The following DCC variants were observed in gnomAD, a reference collection of about 807,000 sequenced individuals.
DCC encodes netrin receptor DCC.
DCC carries 58 observed loss-of-function variants against 172.5 expected under a neutral mutation model. That is an observed-to-expected ratio of 0.34 (90% CI 0.27 to 0.42). The LOEUF is 0.42. DCC is among the 10% of genes least tolerant of loss of function. The pLI, the probability that DCC is intolerant of heterozygous loss-of-function variation, is 1.00. For missense variants in DCC, 1,740 were observed against 1,791.0 expected (o/e 0.97, Z 0.51); for synonymous variants, 709 against 644.5 (o/e 1.10, Z -1.52).
intron 1 of DCC, among the ~76,000 whole-genome samples, chr18:52,691,495 C>T (rs2035929530): frequency 6.6e-6 from 1 of 152,082 alleles, no homozygotes; most frequent in African/African-American, 2.4e-5. Context: ...TGTTTTGTCT[C>T]CTCCAGATTC....
At chr18:52,989,643 T>C (rs1170107465) in intron 5 of DCC, among the ~76,000 whole-genome samples, 1 of 152,202 alleles carries the variant, frequency 6.6e-6, no homozygotes, top group African/African-American at 2.4e-5. Context: ...AGATAAGATA[T>C]GAATCTAGAG....
At chr18:52,716,924 C>A (rs1467785507) in intron 1 of DCC, among the ~76,000 whole-genome samples, 1 of 152,170 alleles carries the variant, frequency 6.6e-6, no homozygotes, top group Non-Finnish European at 1.5e-5. Flanking sequence ...AGAGGATGGG[C>A]TCACAGATGG....
chr18:53,088,444 CA>C (rs2042951918), intron 7 of DCC, among the ~76,000 whole-genome samples: 2 of 152,126 alleles, frequency 1.3e-5, no homozygotes, highest in Non-Finnish European at 2.9e-5. Context: ...GATTTTTTCA[CA>C]TTGAGTTTGT....
chr18:53,529,003 TTCTCTCTCTCTC>T lies in DCC; in HGVS notation c.4255-1536_4255-1525del, dbSNP rs144580817. 6.5e-3 allele frequency among the ~76,000 whole-genome samples: 655 copies of T among 101,020 alleles called. 6 individuals are homozygous for T. The highest frequency in any genetic ancestry group is 0.021 in the African/African-American group (612 of 29,804). 66.3% of individuals were successfully genotyped at this position (101,020 alleles called of 152,430 possible). Reference sequence around the variant, plus strand: ...TGCCTAGTAATCCCCTCACTTCAACTTCTCTCTCTCTCTCTCTCTCTCTCTCTCTCTCTCTCA... The same window carrying T: ...TGCCTAGTAATCCCCTCACTTCAACTTCTCTCTCTCTCTCTCTCTCTCTCA... On this transcript the variant is annotated intron_variant, in intron 28 of 28. Coordinates refer to ENST00000442544, the MANE Select transcript of DCC (RefSeq NM_005215.4).
At chr18:53,341,569 A>C (rs2057660346) in intron 15 of DCC, among the ~76,000 whole-genome samples, 1 of 152,208 alleles carries the variant, frequency 6.6e-6, no homozygotes. Flanking sequence ...AATTACATAC[A>C]CACATAGATA....
chr18:52,817,287 T>TTA (rs2038317893), intron 2 of DCC, among the ~76,000 whole-genome samples: 1 of 152,138 alleles, frequency 6.6e-6, no homozygotes, highest in Admixed American at 6.5e-5. Context: ...TTTTATAATA[T>TTA]CTGCCTTTAT....
chr18:53,467,332 G>A (rs1410643772), intron 24 of DCC, among the ~76,000 whole-genome samples: 2 of 151,884 alleles, frequency 1.3e-5, no homozygotes, highest in Non-Finnish European at 2.9e-5. Context: ...AATTTTTAGT[G>A]ACTCTTTAGT....
At chr18:52,364,953 G>A (rs1203867891) in intron 1 of DCC, among the ~76,000 whole-genome samples, 2 of 151,870 alleles carry the variant, frequency 1.3e-5, no homozygotes, top group South Asian at 4.1e-4. Context: ...TGCCTTTTTT[G>A]TCATAGCAGA....
At chr18:52,886,426 T>A (rs894829535) in intron 2 of DCC, among the ~76,000 whole-genome samples, 1 of 152,148 alleles carries the variant, frequency 6.6e-6, no homozygotes, top group Admixed American at 6.5e-5. Context: ...GGCTTAGCTG[T>A]GCACTGTGAC....
intron 2 of DCC, among the ~76,000 whole-genome samples, chr18:52,808,531 TAGAAA>T (rs1378920672): frequency 4.6e-5 from 7 of 152,066 alleles, no homozygotes; most frequent in Non-Finnish European, 8.8e-5. Flanking sequence ...GGATCACTGT[TAGAAA>T]AGAAAAAATA....
intron 7 of DCC, among the ~76,000 whole-genome samples, chr18:53,128,870 C>CACACATAT (rs1300738812): frequency 3.1e-3 from 237 of 77,416 alleles, no homozygotes; most frequent in African/African-American, 4.8e-3. Flanking sequence ...CACACACACA[C>CACACATAT]ATATATATAT....
At chr18:52,560,823 G>C (rs1189253465) in intron 1 of DCC, among the ~76,000 whole-genome samples, 1 of 152,078 alleles carries the variant, frequency 6.6e-6, no homozygotes, top group Non-Finnish European at 1.5e-5. Flanking sequence ...GGCAATTACT[G>C]GATGTGATAT....
intron 1 of DCC, among the ~76,000 whole-genome samples, chr18:52,341,338 G>C (rs564640713): frequency 7.0e-4 from 107 of 152,240 alleles, no homozygotes; most frequent in African/African-American, 2.4e-3. Context: ...GTTGGTGTGT[G>C]AATACATCTC....
chr18:52,773,214 C>A (rs2037371597), intron 2 of DCC, among the ~76,000 whole-genome samples: 2 of 152,148 alleles, frequency 1.3e-5, no homozygotes, highest in South Asian at 4.1e-4. Context: ...AAGATTTATT[C>A]TTTAAGTTGG....
intron 7 of DCC, among the ~76,000 whole-genome samples, chr18:53,106,136 T>C (rs993313884): frequency 6.6e-6 from 1 of 151,882 alleles, no homozygotes; most frequent in Non-Finnish European, 1.5e-5. Flanking sequence ...CAGATTGTTT[T>C]CTCTTTCTTT....
intron 2 of DCC, among the ~76,000 whole-genome samples, chr18:52,870,063 G>A (rs1300753255): frequency 1.3e-5 from 2 of 152,092 alleles, no homozygotes; most frequent in African/African-American, 2.4e-5. Flanking sequence ...CTGCCAGTGG[G>A]CGACTTGGCC....
chr18:52,444,043 C>T (rs1000838028), intron 1 of DCC, among the ~76,000 whole-genome samples: 1 of 152,030 alleles, frequency 6.6e-6, no homozygotes, highest in Admixed American at 6.6e-5. Context: ...AACAGATGCC[C>T]GGGATTTCTG....
intron 1 of DCC, among the ~76,000 whole-genome samples, chr18:52,358,281 C>T (rs182731705): frequency 1.3e-5 from 2 of 152,202 alleles, no homozygotes; most frequent in East Asian, 1.9e-4. Context: ...GTGCATTGTC[C>T]GTAAAACTTA....
At chr18:53,335,249 A>T (rs1466657932) in intron 14 of DCC, among the ~76,000 whole-genome samples, 1 of 152,166 alleles carries the variant, frequency 6.6e-6, no homozygotes, top group East Asian at 1.9e-4. Context: ...CCTTAGACTC[A>T]AATGGGGAGA....
Sources: allele counts gnomAD v4.1 joint callset (sites outside exome capture counted in the v4.1 genomes callset), GRCh38; gene constraint gnomAD v4.1.1; transcripts MANE v1.5; gene names NCBI Gene and HGNC (gene_info 2026-07-23, HGNC 2026-07-21).